TMEM178B: variants seen among roughly 807,000 people sequenced by gnomAD.
TMEM178B encodes transmembrane protein 178B.
In TMEM178B, 5 loss-of-function variants were observed where a neutral mutation model predicts 31.0. The observed-to-expected ratio is 0.16, with a 90% CI of 0.08 to 0.34. The LOEUF is 0.34. Among genes scored for constraint, TMEM178B ranks in the 10% least tolerant of loss-of-function variants. The pLI, the probability that TMEM178B is intolerant of heterozygous loss-of-function variation, is 1.00. For missense variants in TMEM178B, 275 were observed against 400.3 expected (o/e 0.69, Z 2.67); for synonymous variants, 164 against 164.0 (o/e 1.00, Z 0.00).
At chr7:141,137,209 G>T (rs1795688865) in intron 1 of TMEM178B, among the ~76,000 whole-genome samples, 1 of 152,082 alleles carries the variant, frequency 6.6e-6, no homozygotes, top group South Asian at 2.1e-4. Context: ...TCCAACTACT[G>T]GGTATTTATT....
At chr7:141,356,735 C>T (rs1048880885) in intron 2 of TMEM178B, among the ~76,000 whole-genome samples, 2 of 151,586 alleles carry the variant, frequency 1.3e-5, no homozygotes, top group South Asian at 4.2e-4. Context: ...CAAATGGCCT[C>T]TTGGTCATTG....
intron 1 of TMEM178B, among the ~76,000 whole-genome samples, chr7:141,195,748 C>A (rs541782889): frequency 6.6e-6 from 1 of 152,228 alleles, no homozygotes; most frequent in East Asian, 1.9e-4. Flanking sequence ...TAAAGACATA[C>A]CCAAGACTGG....
rs569796495 is a variant in TMEM178B at position 141,209,975 on chromosome 7, G to A, written c.383-2616G>A. Among the ~76,000 whole-genome samples, 21 of 152,238 alleles carry A rather than the reference G, an allele frequency of 1.4e-4. No individual in the cohort carries two copies. The South Asian group carries it at 4.4e-3, about 32-fold the overall frequency. On this transcript the variant is annotated intron_variant, in intron 1 of 3. Coordinates refer to ENST00000565468, the MANE Select transcript of TMEM178B (RefSeq NM_001195278.2). ...CTGAGGAGTGTAGGGTTTATACTGT[G>A]TGTAAGAGGCCAACAGAGGGCCTGT...
intron 2 of TMEM178B, among the ~76,000 whole-genome samples, chr7:141,234,234 T>C (rs2129192178): frequency 6.6e-6 from 1 of 152,258 alleles, no homozygotes; most frequent in East Asian, 1.9e-4. Context: ...ATCACTTCAA[T>C]AAAGGGCACA....
intron 1 of TMEM178B, among the ~76,000 whole-genome samples, chr7:141,204,081 C>A (rs1209730120): frequency 6.6e-6 from 1 of 152,206 alleles, no homozygotes; most frequent in Admixed American, 6.5e-5. Flanking sequence ...AGCATGTAAA[C>A]CTGTCTGCTA....
rs546227620 is a variant in TMEM178B at position 141,347,014 on chromosome 7, C to T, written c.497-90594C>T. ...AGATCTGATGGTTTAAGTGTGGTGC[C>T]TCCCCCTTGCTCTCTCTCTCCTGCC... On this transcript the variant is annotated intron_variant, in intron 2 of 3. Coordinates refer to ENST00000565468, the MANE Select transcript of TMEM178B (RefSeq NM_001195278.2). 2.6e-5 allele frequency among the ~76,000 whole-genome samples: 4 copies of T among 152,164 alleles called. No individual in the cohort carries two copies. The East Asian group carries it at 5.8e-4, about 22-fold the overall frequency.
chr7:141,208,531 C>A (rs1797002151), intron 1 of TMEM178B, among the ~76,000 whole-genome samples: 1 of 152,192 alleles, frequency 6.6e-6, no homozygotes, highest in Non-Finnish European at 1.5e-5. Flanking sequence ...TCTTTTTAGG[C>A]AATATTTGAA....
rs533489843 is a variant in TMEM178B at position 141,147,152 on chromosome 7, T to G, written c.383-65439T>G. Among the ~76,000 whole-genome samples, 5 of 152,294 alleles carry G rather than the reference T, an allele frequency of 3.3e-5. No individual in the cohort carries two copies. In the South Asian group the frequency reaches 1.0e-3, roughly 32 times the overall value. ...GTCAAATGAGGGTTTTGGAGAAGCA[T>G]AGTGAGTGAAGGAAAGATTGGTAGT... On this transcript the variant is annotated intron_variant, in intron 1 of 3. Coordinates refer to ENST00000565468, the MANE Select transcript of TMEM178B (RefSeq NM_001195278.2).
intron 2 of TMEM178B, among the ~76,000 whole-genome samples, chr7:141,230,380 G>A (rs1797421956): frequency 6.6e-6 from 1 of 152,138 alleles, no homozygotes; most frequent in Admixed American, 6.5e-5. Flanking sequence ...ATGCTGATTT[G>A]ATTGATAAAA....
At chr7:141,431,752 C>T (rs556687382) in intron 2 of TMEM178B, among the ~76,000 whole-genome samples, 1 of 152,160 alleles carries the variant, frequency 6.6e-6, no homozygotes, top group African/African-American at 2.4e-5. Flanking sequence ...TTTTCTTTTT[C>T]TTTTCTAAAA....
chr7:141,089,953 A>G (rs2365575), intron 1 of TMEM178B, among the ~76,000 whole-genome samples: 35,040 of 151,800 alleles, frequency 0.23, 5,302 homozygotes, highest in African/African-American at 0.43. Context: ...GCATATGTAT[A>G]CATATGTAAC....
chr7:141,101,347 G>T (rs1034361440), intron 1 of TMEM178B, among the ~76,000 whole-genome samples: 1 of 152,158 alleles, frequency 6.6e-6, no homozygotes, highest in Non-Finnish European at 1.5e-5. Flanking sequence ...TGGAATAATA[G>T]ATTTTTATCT....
At chr7:141,392,793 T>A (rs1211733324) in intron 2 of TMEM178B, among the ~76,000 whole-genome samples, 1 of 151,432 alleles carries the variant, frequency 6.6e-6, no homozygotes, top group East Asian at 1.9e-4. Context: ...CAGCAGCATC[T>A]CTCTAGGTCC....
Position 141,322,389 on chromosome 7 carries a change from G to C in TMEM178B, c.496+109685G>C, listed in dbSNP as rs568754942. On this transcript the variant is annotated intron_variant, in intron 2 of 3. Coordinates refer to ENST00000565468, the MANE Select transcript of TMEM178B (RefSeq NM_001195278.2). ...AAAAAAAAAAAAAAAAAATTAGCCG[G>C]GCATGGTGGCATATGCCTGTAGTCA... Among the ~76,000 whole-genome samples, 22 of 151,804 alleles carry C rather than the reference G, an allele frequency of 1.4e-4. No homozygotes were observed. In the South Asian group the frequency reaches 4.4e-3, roughly 30 times the overall value.
At chr7:141,272,409 T>G (rs916266558) in intron 2 of TMEM178B, among the ~76,000 whole-genome samples, 3 of 152,232 alleles carry the variant, frequency 2.0e-5, no homozygotes, top group African/African-American at 7.2e-5. Flanking sequence ...AATCTGGTTC[T>G]AAAACAAGGA....
At chr7:141,201,880 A>G (rs1796883963) in intron 1 of TMEM178B, among the ~76,000 whole-genome samples, 1 of 152,210 alleles carries the variant, frequency 6.6e-6, no homozygotes, top group South Asian at 2.1e-4. Context: ...TTTACTTTAT[A>G]TGTTTCCAAT....
chr7:141,203,004 A>C (rs766774230), intron 1 of TMEM178B, among the ~76,000 whole-genome samples: 17 of 152,014 alleles, frequency 1.1e-4, no homozygotes, highest in Non-Finnish European at 1.8e-4. Flanking sequence ...TTAATCTCCA[A>C]TCTTTAAGCC....
chr7:141,191,813 G>T (rs956981789), intron 1 of TMEM178B, among the ~76,000 whole-genome samples: 2 of 152,064 alleles, frequency 1.3e-5, no homozygotes, highest in Non-Finnish European at 2.9e-5. Flanking sequence ...GGTAGGTTTT[G>T]CTATGTGAAA....
rs560835527 is a variant in TMEM178B, at chr7:141,188,689, A to G, written c.383-23902A>G. 3.8e-4 allele frequency among the ~76,000 whole-genome samples: 58 copies of G among 152,340 alleles called. 1 individual carries two copies. The Middle Eastern group carries it at 0.027, about 71-fold the overall frequency. On this transcript the variant is annotated intron_variant, in intron 1 of 3. Transcript: ENST00000565468. ...ACATTCTAGTTAGGATAAGCTGCAA[A>G]CAACATCCATTAAGACAGTCATTTG...
Sources: gnomAD v4.1 joint callset for allele counts (sites outside exome capture counted in the v4.1 genomes callset) on GRCh38, gnomAD v4.1.1 for gene constraint, MANE v1.5 for transcripts, NCBI Gene and HGNC (gene_info 2026-07-23, HGNC 2026-07-21) for gene names.